Variants in NRXN1 observed in about 807,000 individuals in gnomAD.
The protein encoded by NRXN1 is neurexin-1.
Under a neutral mutation model 150.9 loss-of-function variants are expected in NRXN1, and 39 were observed. The observed-to-expected ratio is 0.26, with a 90% CI of 0.20 to 0.34. The LOEUF (loss-of-function observed/expected upper bound fraction) is 0.34. Ranked by LOEUF, NRXN1 falls within the 10% of genes least tolerant of loss-of-function variation. The probability of loss-of-function intolerance (pLI) is 1.00; values close to 1 mark genes in which losing one functional copy is unlikely to be tolerated. For missense variants in NRXN1, 1,815 were observed against 1,949.9 expected, an observed-to-expected ratio of 0.93 and a Z score of 1.30; for synonymous variants, 924 against 757.0, an observed-to-expected ratio of 1.22 and a Z score of -3.62.
chr2:50,825,357 C>G (rs1348108775), intron 5 of NRXN1, among the ~76,000 whole-genome samples: 1 of 152,072 alleles, frequency 6.6e-6, no homozygotes, highest in Admixed American at 6.6e-5. Context: ...AGAATGGGGG[C>G]CAGTCACCAA....
chr2:50,485,244 T>C (rs1558812285), intron 15 of NRXN1, among the ~76,000 whole-genome samples: 1 of 152,158 alleles, frequency 6.6e-6, no homozygotes, highest in African/African-American at 2.4e-5. Context: ...GAGACAGACA[T>C]CCAGATTCAA....
intron 22 of NRXN1, among the ~76,000 whole-genome samples, chr2:49,941,830 G>A (rs532908462): frequency 2.0e-5 from 3 of 152,260 alleles, no homozygotes; most frequent in African/African-American, 7.2e-5. Context: ...GCTAGAGGAT[G>A]TCAGAGAAGA....
At chr2:50,758,020 T>C (rs1701363425) in intron 5 of NRXN1, 1 of 151,774 alleles carries the variant, frequency 6.6e-6, no homozygotes, top group Non-Finnish European at 1.5e-5. Context: ...AGGGAATATA[T>C]GTAATTTAGA....
chr2:50,616,892 G>A lies in NRXN1; in HGVS notation c.1320+3130C>T, dbSNP rs190256255. Among the ~76,000 whole-genome samples the A allele has an allele frequency of 3.9e-5, 6 of 152,258 alleles. No homozygotes were observed. The East Asian group carries it at 1.2e-3, about 29-fold the overall frequency. ...GGGTTTACACATGCAGTGTGCTATCGACCAGGAAGTCCAAGCTAGAGTTCA... is the reference window on the plus strand; with the variant it reads ...GGGTTTACACATGCAGTGTGCTATCAACCAGGAAGTCCAAGCTAGAGTTCA... On this transcript the variant is annotated intron_variant, in intron 8 of 22. Coordinates refer to ENST00000401669, the MANE Select transcript of NRXN1 (RefSeq NM_001330078.2).
At chr2:50,901,639 T>C (rs1481696690) in intron 5 of NRXN1, among the ~76,000 whole-genome samples, 1 of 152,152 alleles carries the variant, frequency 6.6e-6, no homozygotes, top group Admixed American at 6.6e-5. Flanking sequence ...AAGAACTTCA[T>C]TAAAGGATCT....
intron 18 of NRXN1, among the ~76,000 whole-genome samples, chr2:50,186,564 C>A (rs1423687296): frequency 6.6e-6 from 1 of 151,954 alleles, no homozygotes; most frequent in East Asian, 1.9e-4. Context: ...TTTTCATCAC[C>A]AAATGTCTCA....
At chr2:49,963,355 T>C (rs975789363) in intron 21 of NRXN1, among the ~76,000 whole-genome samples, 3 of 152,034 alleles carry the variant, frequency 2.0e-5, no homozygotes, top group Admixed American at 2.0e-4. Context: ...ACTAGCAGAG[T>C]TCTGGTGTAG....
intron 17 of NRXN1, among the ~76,000 whole-genome samples, chr2:50,425,604 G>T (rs1312957072): frequency 1.3e-5 from 2 of 152,146 alleles, no homozygotes; most frequent in East Asian, 3.9e-4. Flanking sequence ...TGTAAATTAA[G>T]ATCAAGTATA....
intron 21 of NRXN1, among the ~76,000 whole-genome samples, chr2:49,964,300 G>A (rs1179205839): frequency 6.6e-6 from 1 of 152,134 alleles, no homozygotes; most frequent in Admixed American, 6.5e-5. Flanking sequence ...CATATACTAA[G>A]AAGTCTTCGG....
intron 17 of NRXN1, among the ~76,000 whole-genome samples, chr2:50,385,478 G>T (rs1176147182): frequency 6.6e-6 from 1 of 152,154 alleles, no homozygotes; most frequent in African/African-American, 2.4e-5. Flanking sequence ...TTAAGCTAAT[G>T]AAACGCATGT....
intron 8 of NRXN1, among the ~76,000 whole-genome samples, chr2:50,564,330 TA>T (rs1669540144): frequency 6.6e-6 from 1 of 152,176 alleles, no homozygotes; most frequent in Non-Finnish European, 1.5e-5. Context: ...CTTAAATGGG[TA>T]AGAGGGGAGT....
chr2:50,259,729 C>T (rs1217525390), intron 17 of NRXN1, among the ~76,000 whole-genome samples: 4 of 151,738 alleles, frequency 2.6e-5, no homozygotes, highest in Non-Finnish European at 5.9e-5. Context: ...TGCAGTGTTC[C>T]CCTTTTTTCC....
chr2:50,388,732 G>A (rs545014748), intron 17 of NRXN1, among the ~76,000 whole-genome samples: 1 of 151,916 alleles, frequency 6.6e-6, no homozygotes, highest in Non-Finnish European at 1.5e-5. Context: ...GGAATGATAG[G>A]GCATTCTTTT....
rs202205785 is a variant in NRXN1, at chr2:51,028,092, C to T, written c.182G>A (p.Arg61His). ...ESEMSFQLKT[R>H]SARGLVLYFD... ...GTAGAGCACGAGGCCGCGGGCGCTG[C>T]GAGTCTTGAGCTGGAAGCTCATCTC... is the stretch of plus-strand genomic sequence containing the variant. Residue 61 changes from arginine to histidine, a missense_variant, in exon 2 of 23, where the codon CGC (arginine) becomes CAC (histidine). This residue lies in a region of NRXN1 where 554 missense variants were observed against 478.8 expected (regional missense o/e 1.16). Coordinates refer to ENST00000401669, the MANE Select transcript of NRXN1 (RefSeq NM_001330078.2). The T allele has an allele frequency of 1.3e-6, 2 of 1,583,676 alleles. No homozygotes were observed. The highest frequency in any genetic ancestry group is 8.6e-7 in the Non-Finnish European group (1 of 1,168,090).
At chr2:50,092,803 T>A (rs1194643980) in intron 18 of NRXN1, among the ~76,000 whole-genome samples, 1 of 152,130 alleles carries the variant, frequency 6.6e-6, no homozygotes, top group Non-Finnish European at 1.5e-5. Context: ...TTGGTTTTCT[T>A]CCCCCTGGGT....
chr2:50,253,672 CAT>C (rs1449983121), intron 17 of NRXN1, among the ~76,000 whole-genome samples: 3 of 152,020 alleles, frequency 2.0e-5, no homozygotes, highest in South Asian at 2.1e-4. Flanking sequence ...GAGATAATCA[CAT>C]AGTTTTTGTC....
At chr2:50,987,838 C>T (rs1214800560) in intron 2 of NRXN1, among the ~76,000 whole-genome samples, 1 of 151,902 alleles carries the variant, frequency 6.6e-6, no homozygotes, top group Non-Finnish European at 1.5e-5. Context: ...CCCCATTGGT[C>T]CCTGTCCAGT....
intron 8 of NRXN1, among the ~76,000 whole-genome samples, chr2:50,567,567 T>C (rs1670060152): frequency 1.5e-5 from 2 of 137,872 alleles, no homozygotes; most frequent in South Asian, 2.3e-4. Context: ...AAATTTTAAA[T>C]AAAGATATAG....
chr2:50,280,605 A>C (rs2152932084), intron 17 of NRXN1, among the ~76,000 whole-genome samples: 1 of 152,304 alleles, frequency 6.6e-6, no homozygotes, highest in African/African-American at 2.4e-5. Flanking sequence ...GGCCTACCTT[A>C]AAAACGCTTT....
Sources: gnomAD v4.1 joint callset for allele counts (sites outside exome capture counted in the v4.1 genomes callset) on GRCh38, gnomAD v4.1.1 for gene constraint, gnomAD v4.1.1 regional missense constraint, MANE v1.5 for transcripts, NCBI Gene and HGNC (gene_info 2026-07-23, HGNC 2026-07-21) for gene names.